Variants in STK32B observed in about 807,000 individuals in gnomAD.
The protein encoded by STK32B is serine/threonine kinase 32B, also known as serine/threonine-protein kinase 32B.
STK32B carries 43 observed loss-of-function variants against 52.6 expected under a neutral mutation model. The ratio of observed to expected loss-of-function variants is 0.82; its 90% CI spans 0.64 to 1.05. STK32B has a LOEUF of 1.05. Among genes scored for constraint, STK32B ranks in the 50% least tolerant of loss-of-function variants. STK32B has a pLI of 0.00. For synonymous variants in STK32B, 238 were observed against 204.3 expected (o/e 1.17, Z -1.41); for missense variants, 621 against 534.6 (o/e 1.16, Z -1.59).
chr4:5,267,749 A>G (rs1272977955), intron 3 of STK32B, among the ~76,000 whole-genome samples: 4 of 152,218 alleles, frequency 2.6e-5, no homozygotes, highest in Admixed American at 6.5e-5. Context: ...AGGAAACTGA[A>G]AAATGGTCCC....
chr4:5,089,389 A>G (rs1404102198), intron 1 of STK32B, among the ~76,000 whole-genome samples: 1 of 151,966 alleles, frequency 6.6e-6, no homozygotes, highest in Non-Finnish European at 1.5e-5. Flanking sequence ...CTCTGTGTCC[A>G]TATATTCTCA....
chr4:5,115,168 G>A (rs894516190), intron 1 of STK32B, among the ~76,000 whole-genome samples: 12 of 152,172 alleles, frequency 7.9e-5, no homozygotes. Flanking sequence ...TGAGTGTGCT[G>A]TGTTGGCTTA....
At chr4:5,246,342 C>A (rs563173466) in intron 3 of STK32B, among the ~76,000 whole-genome samples, 2 of 152,270 alleles carry the variant, frequency 1.3e-5, no homozygotes, top group Admixed American at 6.5e-5. Flanking sequence ...ATAGCTGATA[C>A]CCTTTCTTCC....
chr4:5,499,009 G>GC lies in STK32B; in HGVS notation c.1174dup (p.Gln392ProfsTer81). 1 of 1,613,764 alleles carries GC rather than the reference G, an allele frequency of 6.2e-7. No homozygotes were observed. Among genetic ancestry groups the GC allele is most frequent in the Non-Finnish European group, 8.5e-7 (1 of 1,179,828 alleles). On this transcript the variant is annotated frameshift_variant, in exon 12 of 12. Transcript: ENST00000282908. LOFTEE classifies it high-confidence loss of function. ...CACCGACAGCCGAGGGGGAGGCCAG[G>GC]CCCAAAGCAAGCTCCAGGACGGGTG...
At chr4:5,032,991 A>G in the STK32B span, among the ~76,000 whole-genome samples, 1 of 152,104 alleles carries the variant, frequency 6.6e-6, no homozygotes, top group Non-Finnish European at 1.5e-5. Flanking sequence ...TACCTCTCAC[A>G]TGGGGCTGAG....
rs1001379778 is a variant in STK32B, at chr4:5,168,404, C to T, written c.214C>T (p.Leu72=). The change falls in exon 3 of 12, where the codon CTG becomes TTG. Residue 72 remains leucine (L), a synonymous_variant. Transcript: ENST00000282908. ...RDEVRNVFRE[L]QIMQGLEHPF... is the part of the protein sequence containing the mutation. ...TGAGGTTCGGAATGTTTTCCGGGAGCTGCAGATCATGCAAGGGCTGGAGCA... is the reference window on the plus strand; with the variant it reads ...TGAGGTTCGGAATGTTTTCCGGGAGTTGCAGATCATGCAAGGGCTGGAGCA... The T allele has an allele frequency of 3.1e-6, 5 of 1,613,806 alleles. No homozygotes were observed. The highest frequency in any genetic ancestry group is 3.3e-4 in the Middle Eastern group (2 of 6,080).
At chr4:5,472,589 T>C (rs1717927533) in intron 11 of STK32B, among the ~76,000 whole-genome samples, 1 of 152,148 alleles carries the variant, frequency 6.6e-6, no homozygotes, top group African/African-American at 2.4e-5. Flanking sequence ...TTCCAAGAGG[T>C]CTTTTCAATA....
intron 2 of STK32B, among the ~76,000 whole-genome samples, chr4:5,160,944 C>A (rs1718393348): frequency 6.6e-6 from 1 of 152,074 alleles, no homozygotes; most frequent in African/African-American, 2.4e-5. Flanking sequence ...CCTGTGGATG[C>A]CTGAGAACAG....
chr4:5,184,148 T>C (rs1470616059), intron 3 of STK32B, among the ~76,000 whole-genome samples: 2 of 152,220 alleles, frequency 1.3e-5, no homozygotes, highest in Admixed American at 1.3e-4. Context: ...TTCACATGCC[T>C]TCCTCACTAA....
chr4:5,046,752 G>T (rs1049130965), upstream of STK32B, among the ~76,000 whole-genome samples: 2 of 152,182 alleles, frequency 1.3e-5, no homozygotes, highest in Admixed American at 6.5e-5. Context: ...CAACATCAAT[G>T]CTCGTTAGAG....
At chr4:5,234,271 C>T (rs548739561) in intron 3 of STK32B, among the ~76,000 whole-genome samples, 1 of 152,294 alleles carries the variant, frequency 6.6e-6, no homozygotes, top group South Asian at 2.1e-4. Context: ...TTTTTCTCAT[C>T]TGTAAATAGG....
chr4:5,495,383 C>G (rs991685923), intron 11 of STK32B, among the ~76,000 whole-genome samples: 1 of 152,184 alleles, frequency 6.6e-6, no homozygotes, highest in African/African-American at 2.4e-5. Context: ...CCTGAGGCTT[C>G]TGCATTCTTC....
chr4:5,052,087 C>T (rs1250211389), intron 1 of STK32B, among the ~76,000 whole-genome samples, 172 bp downstream of exon 1: 1 of 152,232 alleles, frequency 6.6e-6, no homozygotes, highest in Non-Finnish European at 1.5e-5. Context: ...GGCGCTTCTG[C>T]TGAGGCAACT....
At chr4:5,096,090 A>G (rs1269066047) in intron 1 of STK32B, among the ~76,000 whole-genome samples, 2 of 152,240 alleles carry the variant, frequency 1.3e-5, no homozygotes, top group South Asian at 2.1e-4. Flanking sequence ...TACAATGAGC[A>G]TATGCTATAA....
intron 2 of STK32B, among the ~76,000 whole-genome samples, chr4:5,160,697 C>T (rs1053696852): frequency 1.3e-5 from 2 of 152,204 alleles, no homozygotes; most frequent in African/African-American, 2.4e-5. Context: ...GTGCCAGACA[C>T]TGAGGATGAT....
chr4:5,143,734 A>G (rs1157745215), intron 2 of STK32B, among the ~76,000 whole-genome samples: 2 of 130,192 alleles, frequency 1.5e-5, no homozygotes. Context: ...CCTCCCTCCA[A>G]ACTGGCCAGC....
At chr4:5,096,134 A>G (rs1577065317) in intron 1 of STK32B, among the ~76,000 whole-genome samples, 1 of 152,214 alleles carries the variant, frequency 6.6e-6, no homozygotes, top group Non-Finnish European at 1.5e-5. Flanking sequence ...TTCTAAGAAT[A>G]TTTTCCACAG....
At chr4:5,230,534 G>A (rs1391703450) in intron 3 of STK32B, among the ~76,000 whole-genome samples, 1 of 152,090 alleles carries the variant, frequency 6.6e-6, no homozygotes, top group Non-Finnish European at 1.5e-5. Flanking sequence ...TGTGGCCTGT[G>A]GAGAACTCCA....
chr4:5,482,773 T>A (rs1406217017), intron 11 of STK32B, among the ~76,000 whole-genome samples: 2 of 152,248 alleles, frequency 1.3e-5, no homozygotes, highest in African/African-American at 4.8e-5. Context: ...CAATACCTAA[T>A]TCATTAAGAG....
Sources: allele counts gnomAD v4.1 joint callset (sites outside exome capture counted in the v4.1 genomes callset), GRCh38; gene constraint gnomAD v4.1.1; transcripts MANE v1.5; gene names NCBI Gene and HGNC (gene_info 2026-07-23, HGNC 2026-07-21).